Variants in RBFOX3 observed in about 807,000 individuals in gnomAD.
RBFOX3 encodes RNA binding fox-1 homolog 3.
In RBFOX3, 17 loss-of-function variants were observed where a neutral mutation model predicts 48.7. The observed-to-expected ratio is 0.35, with a 90% CI of 0.24 to 0.52. The LOEUF is 0.52. Ranked by LOEUF, RBFOX3 falls within the 20% of genes least tolerant of loss-of-function variation. The probability of loss-of-function intolerance (pLI) is 0.94; values close to 1 mark genes in which losing one functional copy is unlikely to be tolerated. For missense variants in RBFOX3, 382 were observed against 497.5 expected (o/e 0.77, Z 2.21); for synonymous variants, 212 against 209.5 (o/e 1.01, Z -0.10).
the RBFOX3 span, among the ~76,000 whole-genome samples, chr17:79,622,807 T>C: frequency 6.6e-6 from 1 of 152,172 alleles, no homozygotes; most frequent in South Asian, 2.1e-4. Flanking sequence ...CGGCACCATA[T>C]AGATTTTGAG....
intron 4 of RBFOX3, among the ~76,000 whole-genome samples, chr17:79,157,402 G>A (rs370658137): frequency 3.3e-5 from 5 of 152,138 alleles, no homozygotes; most frequent in African/African-American, 7.2e-5. Context: ...GCTTCTCCCC[G>A]TAAGGCCCCG....
At chr17:79,620,165 G>GCACACACACATGCACACGCGGACATGCA in the RBFOX3 span, among the ~76,000 whole-genome samples, 3 of 144,744 alleles carry the variant, frequency 2.1e-5, no homozygotes, top group African/African-American at 7.8e-5. Context: ...GCGCGGACAT[G>GCACACACACATGCACACGCGGACATGCA]CACACACATG....
chr17:79,609,898 C>T (rs1599287965), intron 1 of RBFOX3, among the ~76,000 whole-genome samples: 2 of 152,010 alleles, frequency 1.3e-5, no homozygotes, highest in Admixed American at 6.5e-5. Context: ...GAGCCCAACA[C>T]GCCCCGGGCG....
intron 4 of RBFOX3, among the ~76,000 whole-genome samples, chr17:79,168,997 G>A (rs2048590099): frequency 6.6e-6 from 1 of 152,150 alleles, no homozygotes; most frequent in Non-Finnish European, 1.5e-5. Context: ...GAAACAACCA[G>A]CACCCCAAAC....
At chr17:79,358,446 C>G (rs1214340535) in intron 2 of RBFOX3, among the ~76,000 whole-genome samples, 1 of 152,142 alleles carries the variant, frequency 6.6e-6, no homozygotes, top group East Asian at 1.9e-4. Flanking sequence ...TACACTTCCT[C>G]TCATTTTTCT....
chr17:79,634,479 A>G, the RBFOX3 span, among the ~76,000 whole-genome samples: 1 of 152,186 alleles, frequency 6.6e-6, no homozygotes, highest in Non-Finnish European at 1.5e-5. Flanking sequence ...CATAGCCTGC[A>G]AAGCCTCCTT....
chr17:79,340,916 C>T (rs146077031), intron 2 of RBFOX3, among the ~76,000 whole-genome samples: 19 of 152,242 alleles, frequency 1.2e-4, no homozygotes, highest in Non-Finnish European at 2.5e-4. Context: ...GTTTGAAAAC[C>T]TTTCAGAATG....
Position 79,602,206 on chromosome 17 carries a change from A to G in RBFOX3, c.-320+8620T>C, listed in dbSNP as rs936792541. On this transcript the variant is annotated intron_variant, in intron 1 of 14. Coordinates refer to ENST00000693108, the MANE Select transcript of RBFOX3 (RefSeq NM_001350451.2). ...CAGGCTCCCCCATCAAACACAGGCC[A>G]TCGTCCACCTGCTCTCCCTCCCGCC... The G allele has an allele frequency of 3.3e-5, 5 of 152,364 alleles. No individual in the cohort carries two copies. In the East Asian group the frequency reaches 7.7e-4, roughly 24 times the overall value. 9.4% of individuals were successfully genotyped at this position (152,364 alleles called of 1,614,324 possible).
rs2092296642 is a variant in RBFOX3 at position 79,562,784 on chromosome 17, C to A, written c.-320+48042G>T. On this transcript the variant is annotated intron_variant, in intron 1 of 14. Coordinates refer to ENST00000693108, the MANE Select transcript of RBFOX3 (RefSeq NM_001350451.2). ...CCTGCCACATACAACCTTCTCCTCC[C>A]AGCTCCAGATAAAAGGAGCAGGGAC... Among the ~76,000 whole-genome samples the A allele has an allele frequency of 5.9e-5, 9 of 152,312 alleles. No individual in the cohort carries two copies. The South Asian group carries it at 1.9e-3, about 32-fold the overall frequency.
At chr17:79,510,604 A>C (rs2083994840) in intron 1 of RBFOX3, among the ~76,000 whole-genome samples, 1 of 152,226 alleles carries the variant, frequency 6.6e-6, no homozygotes, top group Admixed American at 6.5e-5. Flanking sequence ...GGCCTGAGGT[A>C]GCCTGTCTGG....
chr17:79,295,765 C>T (rs1292770204), intron 3 of RBFOX3, among the ~76,000 whole-genome samples: 1 of 152,172 alleles, frequency 6.6e-6, no homozygotes, highest in Non-Finnish European at 1.5e-5. Context: ...TCAGGCACAG[C>T]TTGAGGGTGG....
intron 4 of RBFOX3, among the ~76,000 whole-genome samples, chr17:79,162,662 G>A (rs2047204188): frequency 6.6e-6 from 1 of 152,030 alleles, no homozygotes; most frequent in South Asian, 2.1e-4. Flanking sequence ...AGGAGCTGTG[G>A]AAAATTGACC....
At position 79,242,216 on chromosome 17, in the gene RBFOX3, A is replaced by G. The variant is rs538993389; in HGVS notation, c.-73-6411T>C. Among the ~76,000 whole-genome samples the G allele has an allele frequency of 1.3e-5, 2 of 152,040 alleles. No individual in the cohort carries two copies. Among genetic ancestry groups the G allele is most frequent in the South Asian group, 2.1e-4 (1 of 4,812 alleles). ...TGCTGCTGCTGGTGGAGGGGGTGCT[A>G]CCTGAGGAGCCCCGGGGTGGGGGGC... On this transcript the variant is annotated intron_variant, in intron 3 of 14. Coordinates refer to ENST00000693108, the MANE Select transcript of RBFOX3 (RefSeq NM_001350451.2). The surrounding 1 kb of genome is among the most constrained non-coding windows in gnomAD (Gnocchi z 5.8).
At position 79,182,227 on chromosome 17, in the gene RBFOX3, C is replaced by G. The variant is rs1046239984; in HGVS notation, c.-34+53539G>C. Among the ~76,000 whole-genome samples the G allele has an allele frequency of 2.0e-5, 3 of 152,296 alleles. No homozygotes were observed. In the East Asian group the frequency reaches 5.8e-4, roughly 30 times the overall value. ...CAGGCCCCAGGATGAGCCTGAAGTG[C>G]TCACAATCCCACCAGGCTCCTCCAG... On this transcript the variant is annotated intron_variant, in intron 4 of 14. Transcript: ENST00000693108.
chr17:79,664,280 T>C, the RBFOX3 span, among the ~76,000 whole-genome samples: 1 of 151,672 alleles, frequency 6.6e-6, no homozygotes, highest in Non-Finnish European at 1.5e-5. Flanking sequence ...ATTCAAGCAA[T>C]TCTCCTGCCT....
Position 79,296,736 on chromosome 17 carries a change from C to T in RBFOX3, c.-74+10988G>A, listed in dbSNP as rs540051864. On this transcript the variant is annotated intron_variant, in intron 3 of 14. Transcript: ENST00000693108. Reference sequence around the variant, plus strand: ...CTCTTTCTCCTCCTCCTGTCTTCTCCTCTTCTTGTCCTTTCTCCTTCTTTT... The same window carrying T: ...CTCTTTCTCCTCCTCCTGTCTTCTCTTCTTCTTGTCCTTTCTCCTTCTTTT... Among the ~76,000 whole-genome samples, 8 of 149,044 alleles carry T rather than the reference C, an allele frequency of 5.4e-5. No individual in the cohort carries two copies. The South Asian group carries it at 1.7e-3, about 32-fold the overall frequency.
rs527960209 is a variant in RBFOX3, at chr17:79,206,589, T to C, written c.-34+29177A>G. ...CCACCTTGTCTCCTCTAAGCCCTGC[T>C]TTTCACTCCAGACTTTGCTGCAGCC... On this transcript the variant is annotated intron_variant, in intron 4 of 14. Coordinates refer to ENST00000693108, the MANE Select transcript of RBFOX3 (RefSeq NM_001350451.2). Among the ~76,000 whole-genome samples, 8 of 152,282 alleles carry C rather than the reference T, an allele frequency of 5.3e-5. No homozygotes were observed. The East Asian group carries it at 1.5e-3, about 29-fold the overall frequency.
chr17:79,186,362 C>T (rs1599868144), intron 4 of RBFOX3, among the ~76,000 whole-genome samples: 1 of 152,290 alleles, frequency 6.6e-6, no homozygotes, highest in African/African-American at 2.4e-5. Context: ...TAGCGAACAG[C>T]ACGCACCTCA....
chr17:79,216,514 G>A (rs941224539), intron 4 of RBFOX3, among the ~76,000 whole-genome samples: 2 of 152,136 alleles, frequency 1.3e-5, no homozygotes, highest in Non-Finnish European at 2.9e-5. Flanking sequence ...GGGCAGGAGT[G>A]AGAGGAGGGA....
Sources: allele counts gnomAD v4.1 joint callset (sites outside exome capture counted in the v4.1 genomes callset), GRCh38; gene constraint gnomAD v4.1.1; non-coding constraint Gnocchi (gnomAD v3.1); transcripts MANE v1.5; gene names NCBI Gene and HGNC (gene_info 2026-07-23, HGNC 2026-07-21).